The following ERBB4 variants were observed in gnomAD, a reference collection of about 807,000 sequenced individuals.
ERBB4 encodes the protein erb-b2 receptor tyrosine kinase 4.
Under a neutral mutation model 158.0 loss-of-function variants are expected in ERBB4, and 42 were observed. The observed-to-expected ratio is 0.27, with a 90% confidence interval of 0.21 to 0.34. The LOEUF is 0.34. Ranked by LOEUF, ERBB4 falls within the 10% of genes least tolerant of loss-of-function variation. The pLI, the probability that ERBB4 is intolerant of heterozygous loss-of-function variation, is 1.00. For synonymous variants in ERBB4, 583 were observed against 558.7 expected, an observed-to-expected ratio of 1.04 and a Z score of -0.61; for missense variants, 1,333 against 1,624.1, an observed-to-expected ratio of 0.82 and a Z score of 3.08.
chr2:212,145,727 TA>T (rs5838300), intron 1 of ERBB4, among the ~76,000 whole-genome samples: 26,641 of 87,634 alleles, frequency 0.3, 3,582 homozygotes, highest in Non-Finnish European at 0.39. Context: ...CAGCATGCAG[TA>T]AAAAAAAAAA....
chr2:212,414,671 T>C (rs1464651320), intron 1 of ERBB4, among the ~76,000 whole-genome samples: 3 of 152,212 alleles, frequency 2.0e-5, no homozygotes, highest in African/African-American at 7.2e-5. Context: ...TCCTGCAATA[T>C]GCAGAAATTA....
chr2:211,641,319 A>T (rs2070577955), intron 16 of ERBB4, among the ~76,000 whole-genome samples: 1 of 152,086 alleles, frequency 6.6e-6, no homozygotes, highest in South Asian at 2.1e-4. Flanking sequence ...ATGCGGTTTC[A>T]CTTATCTCAT....
chr2:211,685,991 G>A (rs2072549642), intron 12 of ERBB4, among the ~76,000 whole-genome samples: 1 of 151,948 alleles, frequency 6.6e-6, no homozygotes, highest in African/African-American at 2.4e-5. Context: ...TGCTGAATTT[G>A]CTTATTTATT....
At chr2:211,421,062 A>G (rs895252336) in intron 24 of ERBB4, among the ~76,000 whole-genome samples, 2 of 151,966 alleles carry the variant, frequency 1.3e-5, no homozygotes, top group South Asian at 2.1e-4. Flanking sequence ...TACTGACTGC[A>G]TTATCAAAGT....
At chr2:212,012,014 T>G (rs758110342) in intron 2 of ERBB4, among the ~76,000 whole-genome samples, 1 of 152,326 alleles carries the variant, frequency 6.6e-6, no homozygotes, top group South Asian at 2.1e-4. Flanking sequence ...AAGAATAAAT[T>G]TATACAGGAA....
At chr2:211,513,574 G>A (rs144447480) in intron 20 of ERBB4, among the ~76,000 whole-genome samples, 71 of 152,146 alleles carry the variant, frequency 4.7e-4, no homozygotes, top group African/African-American at 1.7e-3. Context: ...ACTTGGCCCT[G>A]CAAGGTGTAA....
chr2:212,347,209 A>C (rs2089046092), intron 1 of ERBB4, among the ~76,000 whole-genome samples: 1 of 152,164 alleles, frequency 6.6e-6, no homozygotes, highest in African/African-American at 2.4e-5. Flanking sequence ...CCAAAGGAAG[A>C]AAAATGCAGT....
At chr2:212,088,563 G>A in intron 2 of ERBB4, among the ~76,000 whole-genome samples, 1 of 152,064 alleles carries the variant, frequency 6.6e-6, no homozygotes, top group East Asian at 1.9e-4. Context: ...TTCACACCCT[G>A]GTTGGTAGTC....
At chr2:211,831,869 C>T (rs974189878) in intron 3 of ERBB4, among the ~76,000 whole-genome samples, 1 of 151,968 alleles carries the variant, frequency 6.6e-6, no homozygotes, top group Non-Finnish European at 1.5e-5. Flanking sequence ...CGCCATTGCA[C>T]TCCAACCTGG....
chr2:212,200,148 C>T (rs1364234838), intron 1 of ERBB4, among the ~76,000 whole-genome samples: 1 of 152,062 alleles, frequency 6.6e-6, no homozygotes, highest in African/African-American at 2.4e-5. Flanking sequence ...TAACTAAGAA[C>T]CCCTTCTTCC....
At position 212,273,452 on chromosome 2, in the gene ERBB4, T is replaced by A. The variant is rs548764154; in HGVS notation, c.83-148549A>T. Among the ~76,000 whole-genome samples the A allele has an allele frequency of 2.0e-5, 3 of 151,842 alleles. No homozygotes were observed. In the South Asian group the frequency reaches 6.2e-4, roughly 32 times the overall value. The stretch of plus-strand genomic sequence containing the variant: ...TTTTGAACTCATGGCTTAAGAAAAG[T>A]CCAGATAGAAATAGCAAATATGCTA... On this transcript the variant is annotated intron_variant, in intron 1 of 27. Coordinates refer to ENST00000342788, the MANE Select transcript of ERBB4 (RefSeq NM_005235.3).
intron 3 of ERBB4, among the ~76,000 whole-genome samples, chr2:211,860,212 C>T (rs762658829): frequency 6.6e-6 from 1 of 152,122 alleles, no homozygotes; most frequent in African/African-American, 2.4e-5. Context: ...TGATACTGGA[C>T]ATAGAGAAAC....
intron 19 of ERBB4, among the ~76,000 whole-genome samples, chr2:211,571,334 G>T (rs977711903): frequency 2.6e-5 from 4 of 151,980 alleles, no homozygotes; most frequent in African/African-American, 9.7e-5. Flanking sequence ...TGACAGAGTT[G>T]TCAAAAACAT....
chr2:212,534,177 AAAT>A (rs1476983996), intron 1 of ERBB4, among the ~76,000 whole-genome samples: 1 of 152,224 alleles, frequency 6.6e-6, no homozygotes, highest in African/African-American at 2.4e-5. Context: ...TATAACACAA[AAAT>A]AATACCGCTT....
At chr2:211,391,082 A>G (rs1432748374) in intron 25 of ERBB4, among the ~76,000 whole-genome samples, 1 of 152,218 alleles carries the variant, frequency 6.6e-6, no homozygotes, top group Non-Finnish European at 1.5e-5. Context: ...CATGTTAATC[A>G]CGATGTCATA....
chr2:212,207,751 C>T (rs1328499362), intron 1 of ERBB4, among the ~76,000 whole-genome samples: 2 of 152,138 alleles, frequency 1.3e-5, no homozygotes, highest in Non-Finnish European at 2.9e-5. Flanking sequence ...GAACTCTCTA[C>T]ATCTAATGTC....
intron 2 of ERBB4, among the ~76,000 whole-genome samples, chr2:211,959,996 G>A (rs1367777541): frequency 6.6e-6 from 1 of 151,960 alleles, no homozygotes; most frequent in African/African-American, 2.4e-5. Context: ...GTACACAGGG[G>A]TGAAGTGGAT....
chr2:211,785,528 C>T lies in ERBB4; in HGVS notation c.556+2497G>A, dbSNP rs371899402. 3.3e-4 allele frequency among the ~76,000 whole-genome samples: 50 copies of T among 152,236 alleles called. 1 individual carries two copies. The highest frequency in any genetic ancestry group is 1.9e-3 in the East Asian group (10 of 5,170). On this transcript the variant is annotated intron_variant, in intron 4 of 27. Transcript: ENST00000342788. ...TCATAAAGCTTTCCCCCTATATTTT[C>T]TGCCAAGACTTTTATAGTTTTAAGT...
intron 19 of ERBB4, among the ~76,000 whole-genome samples, chr2:211,606,685 A>T (rs751785667): frequency 6.6e-6 from 1 of 152,160 alleles, no homozygotes; most frequent in Non-Finnish European, 1.5e-5. Flanking sequence ...GAATTCATAA[A>T]TTTACCTTTT....
Sources: allele counts gnomAD v4.1 joint callset (sites outside exome capture counted in the v4.1 genomes callset), GRCh38; gene constraint gnomAD v4.1.1; transcripts MANE v1.5; gene names NCBI Gene and HGNC (gene_info 2026-07-23, HGNC 2026-07-21).